Variants in WDR75 observed in about 807,000 individuals in gnomAD.
WDR75 encodes WD repeat domain 75, also known as WD repeat-containing protein 75.
In WDR75, 52 loss-of-function variants were observed where a neutral mutation model predicts 106.1. That is an observed-to-expected ratio of 0.49 (90% confidence interval 0.39 to 0.62). WDR75 has a LOEUF of 0.62. Ranked by LOEUF, WDR75 falls within the 20% of genes least tolerant of loss-of-function variation. The pLI is 0.00. For missense variants in WDR75, 905 were observed against 970.3 expected, an observed-to-expected ratio of 0.93 and a Z score of 0.89; for synonymous variants, 333 against 335.5, an observed-to-expected ratio of 0.99 and a Z score of 0.08.
At chr2:189,451,546 G>A (rs528520647) in intron 3 of WDR75, among the ~76,000 whole-genome samples, 1 of 152,204 alleles carries the variant, frequency 6.6e-6, no homozygotes, top group South Asian at 2.1e-4. Flanking sequence ...CATTGTTTAT[G>A]GTAGGAAAAA....
rs751872833 is a variant in WDR75, at chr2:189,458,764, C to T, written c.581C>T (p.Ser194Leu). Residue 194 changes from serine (S) to leucine (L), a missense_variant, in exon 7 of 21, where the codon TCA becomes TTA. By Grantham distance (145) the Ser-to-Leu change is moderately radical. Coordinates refer to ENST00000314761, the MANE Select transcript of WDR75 (RefSeq NM_032168.3). The part of the protein sequence containing the change: ...KKKTTSRFTL[S>L]SSRNKKHAKN... ...TTTTTTTCTCCTAGGTTTACTTTAT[C>T]ATCATCAAGAAATAAGAAGCATGCT... The T allele has an allele frequency of 6.3e-7, 1 of 1,578,364 alleles. No individual in the cohort carries two copies. The highest frequency in any genetic ancestry group is 8.6e-7 in the Non-Finnish European group (1 of 1,161,496).
chr2:189,447,647 C>CT (rs1258136863), intron 1 of WDR75, among the ~76,000 whole-genome samples: 2 of 152,190 alleles, frequency 1.3e-5, no homozygotes, highest in East Asian at 3.8e-4. Context: ...TTTATAGCCT[C>CT]TGTCTACAAA....
chr2:189,467,402 G>A, intron 13 of WDR75, 66 bp from the exon 14 acceptor site: 9 of 1,474,334 alleles, frequency 6.1e-6, no homozygotes, highest in Non-Finnish European at 8.2e-6. Context: ...GGAAACTAGG[G>A]GGAACTACTG....
At chr2:189,467,140 G>A (rs12165153) in intron 13 of WDR75, among the ~76,000 whole-genome samples, 6,865 of 152,006 alleles carry the variant, frequency 0.045, 192 homozygotes, top group African/African-American at 0.068. Flanking sequence ...ACCGAACCCT[G>A]TATATACTGT....
At chr2:189,459,926 T>C (rs1337617762) in intron 8 of WDR75, among the ~76,000 whole-genome samples, 1 of 152,234 alleles carries the variant, frequency 6.6e-6, no homozygotes, top group Admixed American at 6.5e-5. Flanking sequence ...GCTCTTGTTT[T>C]TAACTGTTAC....
Position 189,463,906 on chromosome 2 carries a change from GA to G in WDR75, c.1062del (p.Lys354AsnfsTer19). 6.2e-7 allele frequency: 1 copy of G among 1,613,864 alleles called. No homozygotes were observed. The highest frequency in any genetic ancestry group is 8.5e-7 in the Non-Finnish European group (1 of 1,179,838). ...AGAACTAAAGCTTTGGTTTTGAATGGAAAACCTGGCCACCTGCAGTTTTATT... is the reference window on the plus strand; with the variant it reads ...AGAACTAAAGCTTTGGTTTTGAATGGAAACCTGGCCACCTGCAGTTTTATT... ...DPRTKALVLN[G>X]KPGHLQFYSL... is the part of the protein sequence containing the mutation. On this transcript the variant is annotated frameshift_variant, in exon 11 of 21. Coordinates refer to ENST00000314761, the MANE Select transcript of WDR75 (RefSeq NM_032168.3). LOFTEE classifies it high-confidence loss of function.
chr2:189,470,694 T>C, intron 17 of WDR75, 125 bp from the exon 18 acceptor site: 1 of 520,432 alleles, frequency 1.9e-6, no homozygotes, highest in Non-Finnish European at 3.2e-6. Context: ...TTATTCCTTT[T>C]CTGTTGTCAA....
chr2:189,471,132 C>G (rs182844727), intron 18 of WDR75, among the ~76,000 whole-genome samples: 1 of 152,184 alleles, frequency 6.6e-6, no homozygotes, highest in Non-Finnish European at 1.5e-5. Context: ...AAAAACTTCT[C>G]CAACACCACT....
chr2:189,452,868 A>G (rs1686656395), intron 4 of WDR75, among the ~76,000 whole-genome samples: 1 of 152,160 alleles, frequency 6.6e-6, no homozygotes, highest in South Asian at 2.1e-4. Context: ...CAGCTTTAAG[A>G]TGATAGTGGG....
At chr2:189,453,448 T>G (rs1210664839) in intron 4 of WDR75, among the ~76,000 whole-genome samples, 1 of 152,158 alleles carries the variant, frequency 6.6e-6, no homozygotes. Flanking sequence ...TTTTTACCCA[T>G]GATTCTAAAC....
intron 4 of WDR75, 80 bp from the exon 5 acceptor site, chr2:189,455,240 C>CAAA (rs5837143): frequency 1.0e-4 from 126 of 1,236,636 alleles, no homozygotes; most frequent in Admixed American, 1.6e-4. Flanking sequence ...GACTTTGCCT[C>CAAA]AAAAAAAAAA....
At chr2:189,454,582 C>T (rs993791147) in intron 4 of WDR75, among the ~76,000 whole-genome samples, 8 of 151,662 alleles carry the variant, frequency 5.3e-5, no homozygotes, top group East Asian at 1.9e-4. Context: ...AGTGCAGTGG[C>T]ACAGTCTCGG....
chr2:189,441,516 C>T lies in WDR75; in HGVS notation c.24C>T (p.Arg8=), dbSNP rs944547660. ...AGATGGTGGAGGAGGAGAACATCCG[C>T]GTGGTTCGTTGTGGCGGCAGCGAGT... MVEEENI[R]VVRCGGSELN... The change falls in exon 1 of 21, where the codon CGC becomes CGT. Residue 8 remains arginine, a synonymous_variant. Transcript: ENST00000314761. The T allele has an allele frequency of 9.6e-6, 15 of 1,566,578 alleles. No individual in the cohort carries two copies. Among genetic ancestry groups the T allele is most frequent in the Non-Finnish European group, 1.3e-5 (15 of 1,154,320 alleles).
At chr2:189,454,205 T>G (rs936330314) in intron 4 of WDR75, among the ~76,000 whole-genome samples, 1 of 152,136 alleles carries the variant, frequency 6.6e-6, no homozygotes, top group Non-Finnish European at 1.5e-5. Flanking sequence ...CCGGTGGAAG[T>G]GAGCCAGTGG....
At chr2:189,455,546 A>T (rs1686716159) in intron 5 of WDR75, 102 bp downstream of exon 5, 3 of 1,410,490 alleles carry the variant, frequency 2.1e-6, no homozygotes, top group Middle Eastern at 3.7e-4. Context: ...ATTCCCTTGA[A>T]TTACTATATT....
Position 189,467,451 on chromosome 2 carries a change from G to A in WDR75, c.1448-17G>A, listed in dbSNP as rs752305535. On this transcript the variant is annotated splice_polypyrimidine_tract_variant and intron_variant, in intron 13 of 20. Coordinates refer to ENST00000314761, the MANE Select transcript of WDR75 (RefSeq NM_032168.3). Reference sequence around the variant, plus strand: ...CATTTACACAATTTCTGAACATTATGGCTTATATTTCCACAGAAAAAGCTG... The same window carrying A: ...CATTTACACAATTTCTGAACATTATAGCTTATATTTCCACAGAAAAAGCTG... 5.0e-6 allele frequency: 8 copies of A among 1,584,764 alleles called. No homozygotes were observed. The highest frequency in any genetic ancestry group is 6.9e-6 in the Non-Finnish European group (8 of 1,165,140).
At chr2:189,469,499 T>C in intron 16 of WDR75, 60 bp downstream of exon 16, 1 of 1,443,554 alleles carries the variant, frequency 6.9e-7, no homozygotes, top group Non-Finnish European at 9.7e-7. Context: ...TTCTTCTTAA[T>C]ATAATTTGAG....
rs1453521587 is a variant in WDR75, at chr2:189,458,884, C to T, written c.689+12C>T. 5.0e-6 allele frequency: 8 copies of T among 1,597,182 alleles called. No individual in the cohort carries two copies. The highest frequency in any genetic ancestry group is 5.1e-6 in the Non-Finnish European group (6 of 1,173,434). On this transcript the variant is annotated intron_variant, in intron 7 of 20. Coordinates refer to ENST00000314761, the MANE Select transcript of WDR75 (RefSeq NM_032168.3). ...AAAATTCGTCTTTGGTCAGTTTGCT[C>T]ATGAAGAGCATGGCGATCATTTATG...
intron 8 of WDR75, 91 bp from the exon 9 acceptor site, chr2:189,462,393 A>T: frequency 7.1e-7 from 1 of 1,404,712 alleles, no homozygotes; most frequent in Non-Finnish European, 9.8e-7. Context: ...TTTCTCTAGT[A>T]CGGTAGCAAA....
Sources: gnomAD v4.1 joint callset for allele counts (sites outside exome capture counted in the v4.1 genomes callset) on GRCh38, gnomAD v4.1.1 for gene constraint, MANE v1.5 for transcripts, NCBI Gene and HGNC (gene_info 2026-07-23, HGNC 2026-07-21) for gene names.